The following SPMIP4 variants were observed in gnomAD, a reference collection of about 807,000 sequenced individuals.
SPMIP4 encodes sperm-associated microtubule inner protein 4.
chr7:25,155,045 G>T, the SPMIP4 span: 1 of 1,614,020 alleles, frequency 6.2e-7, no homozygotes, highest in Non-Finnish European at 8.5e-7. Flanking sequence ...CATAAGCCTT[G>T]GTTGGCACCG....
chr7:25,154,623 CTG>C, the SPMIP4 span, among the ~76,000 whole-genome samples: 2 of 152,204 alleles, frequency 1.3e-5, no homozygotes, highest in African/African-American at 2.4e-5. Flanking sequence ...CGTCCAGACT[CTG>C]TGATTGATGC....
At chr7:25,171,077 G>T in the SPMIP4 span, among the ~76,000 whole-genome samples, 2 of 152,202 alleles carry the variant, frequency 1.3e-5, no homozygotes, top group Admixed American at 1.3e-4. Context: ...GGTGATTCTT[G>T]TGCATGCTAA....
the SPMIP4 span, chr7:25,142,699 T>G: frequency 6.2e-7 from 1 of 1,613,252 alleles, no homozygotes; most frequent in Non-Finnish European, 8.5e-7. Flanking sequence ...TCTTTGTATG[T>G]TGGCTTCTTT....
At chr7:25,169,844 T>C in the SPMIP4 span, among the ~76,000 whole-genome samples, 50 of 152,360 alleles carry the variant, frequency 3.3e-4, no homozygotes, top group African/African-American at 1.2e-3. Context: ...CCCAAAGTGT[T>C]AGGATTACAG....
At chr7:25,177,608 C>T in the SPMIP4 span, among the ~76,000 whole-genome samples, 1 of 152,088 alleles carries the variant, frequency 6.6e-6, no homozygotes, top group Admixed American at 6.5e-5. Flanking sequence ...CAAGTAAATA[C>T]AATACAGGAA....
At chr7:25,180,032 G>T in the SPMIP4 span, 1 of 152,490 alleles carries the variant, frequency 6.6e-6, no homozygotes, top group African/African-American at 2.4e-5. Flanking sequence ...CGCAGCTGGC[G>T]GCCTTCGCGG....
the SPMIP4 span, among the ~76,000 whole-genome samples, chr7:25,169,549 T>C: frequency 6.6e-6 from 1 of 152,118 alleles, no homozygotes; most frequent in East Asian, 1.9e-4. Context: ...GTAGTATGTG[T>C]CCATACTCCA....
At chr7:25,131,843 C>G in the SPMIP4 span, among the ~76,000 whole-genome samples, 1 of 152,316 alleles carries the variant, frequency 6.6e-6, no homozygotes, top group South Asian at 2.1e-4. The surrounding 1 kb of genome is among the most constrained non-coding windows in gnomAD (Gnocchi z 4.2). Context: ...GGAACAATGG[C>G]AAGCCTTTAG....
chr7:25,147,259 A>C, the SPMIP4 span, among the ~76,000 whole-genome samples: 7 of 152,364 alleles, frequency 4.6e-5, no homozygotes, highest in South Asian at 1.2e-3. Context: ...GTGCCACTGC[A>C]CTTCAGCCTG....
the SPMIP4 span, among the ~76,000 whole-genome samples, chr7:25,174,038 A>G: frequency 6.6e-6 from 1 of 152,198 alleles, no homozygotes; most frequent in Admixed American, 6.5e-5. This position sits in a 1 kb window ranked among gnomAD's most constrained non-coding sequence, Gnocchi z 4.5. Flanking sequence ...GGATTTCATG[A>G]TAGGATTTCA....
At chr7:25,164,644 T>C in the SPMIP4 span, among the ~76,000 whole-genome samples, 3 of 151,294 alleles carry the variant, frequency 2.0e-5, no homozygotes, top group African/African-American at 7.4e-5. Context: ...GCATTTTTAA[T>C]TTCAATAGTT....
chr7:25,136,684 C>G, the SPMIP4 span: 1 of 1,614,128 alleles, frequency 6.2e-7, no homozygotes, highest in Non-Finnish European at 8.5e-7. The surrounding 1 kb of genome is among the most constrained non-coding windows in gnomAD (Gnocchi z 5.7). Flanking sequence ...TGGACAGGAA[C>G]GTGGTCTTTG....
At chr7:25,134,652 A>G in the SPMIP4 span, 19 of 984,774 alleles carry the variant, frequency 1.9e-5, no homozygotes, top group African/African-American at 3.3e-4. Context: ...AAAGGTATGA[A>G]CATTACACAA....
chr7:25,130,253 CAAAA>C, the SPMIP4 span, among the ~76,000 whole-genome samples: 1 of 135,658 alleles, frequency 7.4e-6, no homozygotes, highest in Non-Finnish European at 1.6e-5. Context: ...CTCAAAAAAA[CAAAA>C]AAGAAAGAAA....
chr7:25,127,842 A>T, the SPMIP4 span, among the ~76,000 whole-genome samples: 4 of 152,010 alleles, frequency 2.6e-5, no homozygotes, highest in Admixed American at 6.6e-5. Context: ...CCTTCTTGGG[A>T]TGGCTTTCCA....
At chr7:25,139,733 G>A in the SPMIP4 span, among the ~76,000 whole-genome samples, 1 of 152,258 alleles carries the variant, frequency 6.6e-6, no homozygotes, top group East Asian at 1.9e-4. Context: ...CATAAAAAAG[G>A]ACAGGACTTA....
At chr7:25,143,951 TG>T in the SPMIP4 span, among the ~76,000 whole-genome samples, 1 of 152,006 alleles carries the variant, frequency 6.6e-6, no homozygotes, top group African/African-American at 2.4e-5. Context: ...TTCACCTGAA[TG>T]GGGAAGTGGA....
the SPMIP4 span, among the ~76,000 whole-genome samples, chr7:25,146,188 C>T: frequency 6.6e-6 from 1 of 152,096 alleles, no homozygotes; most frequent in East Asian, 1.9e-4. Flanking sequence ...AAATGAGAGA[C>T]TGGCAGAGAG....
At chr7:25,150,604 C>A in the SPMIP4 span, among the ~76,000 whole-genome samples, 10 of 152,318 alleles carry the variant, frequency 6.6e-5, no homozygotes, top group Admixed American at 3.3e-4. Context: ...CTGCTTCTCA[C>A]CAACCATGTT....
Sources: allele counts gnomAD v4.1 joint callset (sites outside exome capture counted in the v4.1 genomes callset), GRCh38; gene constraint gnomAD v4.1.1; non-coding constraint Gnocchi (gnomAD v3.1); transcripts MANE v1.5; gene names NCBI Gene and HGNC (gene_info 2026-07-23, HGNC 2026-07-21).